The following RAB12 variants were observed in gnomAD, a reference collection of about 807,000 sequenced individuals.
RAB12 encodes the protein ras-related protein Rab-12.
RAB12 carries 11 observed loss-of-function variants against 28.4 expected under a neutral mutation model. That is an observed-to-expected ratio of 0.39 (90% CI 0.24 to 0.64). The LOEUF is 0.64. Ranked by LOEUF, RAB12 falls within the 30% of genes least tolerant of loss-of-function variation. The probability of loss-of-function intolerance (pLI) is 0.50; values close to 1 mark genes in which losing one functional copy is unlikely to be tolerated. For synonymous variants in RAB12, 138 were observed against 145.3 expected (o/e 0.95, Z 0.36); for missense variants, 276 against 351.1 (o/e 0.79, Z 1.71).
At position 8,609,829 on chromosome 18, in the gene RAB12, G is replaced by A; in HGVS notation, c.390G>A (p.Gln130=). Residue 130 remains glutamine (Q), a synonymous_variant, in exon 1 of 6, where the codon CAG becomes CAA. Coordinates refer to ENST00000649141, the MANE Select transcript of RAB12 (RefSeq NM_001025300.3). ...GCGGCCAGGGCCGCCGGAGGAAGCAGCCCCCCAGGCCGGCCGACTTCAAGT... is the reference window on the plus strand; with the variant it reads ...GCGGCCAGGGCCGCCGGAGGAAGCAACCCCCCAGGCCGGCCGACTTCAAGT... ...LSGGQGRRRK[Q]PPRPADFKLQ... The A allele has an allele frequency of 6.5e-7, 1 of 1,537,456 alleles. No homozygotes were observed. Among genetic ancestry groups the A allele is most frequent in the Non-Finnish European group, 8.7e-7 (1 of 1,144,590 alleles).
chr18:8,633,504 A>G (rs2096017128), intron 3 of RAB12, among the ~76,000 whole-genome samples, 177 bp downstream of exon 3: 1 of 152,154 alleles, frequency 6.6e-6, no homozygotes, highest in Admixed American at 6.5e-5. Context: ...TGAGGCAAAG[A>G]AGAATTAAAT....
In RAB12 at chr18:8,639,125, C is replaced by T. The variant is rs2726349; in HGVS notation, c.*863C>T. ...CCCCTTCTTTACGGTGAAGCTTATTCTGATTAAGCCTAGACTGTGTTCTTT... is the reference window on the plus strand; with the variant it reads ...CCCCTTCTTTACGGTGAAGCTTATTTTGATTAAGCCTAGACTGTGTTCTTT... On this transcript the variant is annotated 3_prime_UTR_variant, in exon 6 of 6. Coordinates refer to ENST00000649141, the MANE Select transcript of RAB12 (RefSeq NM_001025300.3). The T allele has an allele frequency of 6.8e-5, 4 of 59,134 alleles. No homozygotes were observed. The highest frequency in any genetic ancestry group is 2.3e-4 in the African/African-American group (4 of 17,400). The allele number at this position is 59,134 out of a possible 1,614,324, so 3.7% of individuals were successfully genotyped here. A position where few individuals can be genotyped will look rare whatever the true frequency, so the allele number is the denominator to read the frequency against.
At chr18:8,633,808 G>A (rs549116317) in intron 3 of RAB12, among the ~76,000 whole-genome samples, 3 of 152,262 alleles carry the variant, frequency 2.0e-5, no homozygotes, top group East Asian at 3.9e-4. Flanking sequence ...AGAGGAGCTC[G>A]AGTTCTCCTT....
At chr18:8,628,547 A>G (rs903729246) in intron 2 of RAB12, among the ~76,000 whole-genome samples, 1 of 152,194 alleles carries the variant, frequency 6.6e-6, no homozygotes, top group Non-Finnish European at 1.5e-5. Context: ...GAACTAGTTC[A>G]TGTTTCCTCA....
chr18:8,638,059 C>A (rs749675040), intron 5 of RAB12, 90 bp from the exon 6 acceptor site: 5 of 750,058 alleles, frequency 6.7e-6, no homozygotes, highest in African/African-American at 5.2e-5. Flanking sequence ...TATAAGTGGA[C>A]CTGTGCAGTT....
chr18:8,609,879 G>C lies in RAB12; in HGVS notation c.440G>C (p.Arg147Pro). ...TTGCAGGTCATCATTATCGGCTCCC[G>C]CGGCGTGGGCAAGACCAGCCTGATG... ...FKLQVIIIGS[R>P]GVGKTSLMER... Residue 147 changes from arginine (R) to proline (P), a missense_variant, in exon 1 of 6, where the codon CGC becomes CCC. Coordinates refer to ENST00000649141, the MANE Select transcript of RAB12 (RefSeq NM_001025300.3). 1 of 1,600,994 alleles carries C rather than the reference G, an allele frequency of 6.2e-7. No individual in the cohort carries two copies. Among genetic ancestry groups the C allele is most frequent in the South Asian group, 1.1e-5 (1 of 89,452 alleles).
intron 2 of RAB12, among the ~76,000 whole-genome samples, chr18:8,631,524 G>T (rs1162961648): frequency 6.6e-6 from 1 of 152,136 alleles, no homozygotes; most frequent in African/African-American, 2.4e-5. Context: ...TGTCATCCAA[G>T]CCAGGGAGCC....
At chr18:8,622,946 G>A (rs558860026) in intron 1 of RAB12, among the ~76,000 whole-genome samples, 37 of 152,262 alleles carry the variant, frequency 2.4e-4, no homozygotes, top group Non-Finnish European at 3.8e-4. Flanking sequence ...GCTCTGTTCC[G>A]CCCGGCTCAC....
intron 1 of RAB12, among the ~76,000 whole-genome samples, chr18:8,618,552 C>T (rs1330795477): frequency 6.6e-6 from 1 of 151,824 alleles, no homozygotes; most frequent in African/African-American, 2.4e-5. Context: ...CTCTGTCCCC[C>T]AGGCTGGAGT....
chr18:8,622,783 AGCCTT>A (rs1471515619), intron 1 of RAB12, among the ~76,000 whole-genome samples: 1 of 152,176 alleles, frequency 6.6e-6, no homozygotes, highest in Non-Finnish European at 1.5e-5. Flanking sequence ...CCACCCCTAC[AGCCTT>A]GACCATAGAA....
chr18:8,614,949 G>A (rs1434441844), intron 1 of RAB12, among the ~76,000 whole-genome samples: 1 of 152,134 alleles, frequency 6.6e-6, no homozygotes. Flanking sequence ...TCACAGCCTG[G>A]CCCCCTTAAA....
At chr18:8,632,982 A>T in intron 2 of RAB12, 2 of 571,558 alleles carry the variant, frequency 3.5e-6, no homozygotes. Flanking sequence ...GTTGTTAAAT[A>T]TAAAGGTATT....
chr18:8,624,563 T>G (rs1049537168), intron 1 of RAB12, among the ~76,000 whole-genome samples: 1 of 152,238 alleles, frequency 6.6e-6, no homozygotes, highest in African/African-American at 2.4e-5. Flanking sequence ...CAGTGTTCCA[T>G]ATAAGAATTT....
intron 1 of RAB12, among the ~76,000 whole-genome samples, chr18:8,623,141 A>G (rs1462418422): frequency 1.3e-5 from 2 of 152,226 alleles, no homozygotes; most frequent in East Asian, 1.9e-4. Flanking sequence ...TGACAGGATT[A>G]AGAGATTAAA....
rs532289549 is a variant in RAB12 at position 8,610,928 on chromosome 18, A to G, written c.514+975A>G. Among the ~76,000 whole-genome samples the G allele has an allele frequency of 2.6e-5, 4 of 152,348 alleles. No individual in the cohort carries two copies. The South Asian group carries it at 6.2e-4, about 24-fold the overall frequency. ...AATTCTATTTATTAATAGTGTTATA[A>G]CCAGTGGTAGTTCCAAGGCTGTCAG... is the stretch of plus-strand genomic sequence containing the variant. On this transcript the variant is annotated intron_variant, in intron 1 of 5. Transcript: ENST00000649141.
At chr18:8,630,100 A>G (rs1372395967) in intron 2 of RAB12, among the ~76,000 whole-genome samples, 1 of 152,210 alleles carries the variant, frequency 6.6e-6, no homozygotes. Context: ...GTCTCAATCA[A>G]TTTAGAGAGT....
intron 1 of RAB12, among the ~76,000 whole-genome samples, chr18:8,619,047 A>G (rs911571677): frequency 1.3e-5 from 2 of 152,262 alleles, no homozygotes. Flanking sequence ...TGTAAGATAC[A>G]TCCTTGGAAG....
At chr18:8,615,404 A>G (rs1486968886) in intron 1 of RAB12, among the ~76,000 whole-genome samples, 4 of 152,190 alleles carry the variant, frequency 2.6e-5, no homozygotes, top group African/African-American at 4.8e-5. Flanking sequence ...TTATTTTGCT[A>G]TACTGTATTT....
intron 2 of RAB12, among the ~76,000 whole-genome samples, chr18:8,631,511 G>A (rs182305345): frequency 1.3e-4 from 20 of 152,246 alleles, no homozygotes; most frequent in Admixed American, 1.2e-3. Flanking sequence ...GCTCAGATAC[G>A]GCTGTCATCC....
Sources: allele counts gnomAD v4.1 joint callset (sites outside exome capture counted in the v4.1 genomes callset), GRCh38; gene constraint gnomAD v4.1.1; transcripts MANE v1.5; gene names NCBI Gene and HGNC (gene_info 2026-07-23, HGNC 2026-07-21).